The following RAD54B variants were observed in gnomAD, a reference collection of about 807,000 sequenced individuals.
The protein encoded by RAD54B is DNA repair and recombination protein RAD54B.
In RAD54B, 78 loss-of-function variants were observed where a neutral mutation model predicts 95.8. That is an observed-to-expected ratio of 0.81 (90% CI 0.68 to 0.98). The LOEUF (loss-of-function observed/expected upper bound fraction) is 0.98. Among genes scored for constraint, RAD54B ranks in the 50% least tolerant of loss-of-function variants. The pLI, the probability that RAD54B is intolerant of heterozygous loss-of-function variation, is 0.00. For synonymous variants in RAD54B, 328 were observed against 354.9 expected, an observed-to-expected ratio of 0.92 and a Z score of 0.85; for missense variants, 957 against 1,056.6, an observed-to-expected ratio of 0.91 and a Z score of 1.31.
intron 5 of RAD54B, among the ~76,000 whole-genome samples, chr8:94,405,675 G>A (rs1307346814): frequency 6.6e-6 from 1 of 152,020 alleles, no homozygotes; most frequent in African/African-American, 2.4e-5. Context: ...TCAAGAAATG[G>A]CCCCGTTATT....
At chr8:94,397,546 G>A (rs1033622150) in intron 8 of RAD54B, among the ~76,000 whole-genome samples, 1 of 151,998 alleles carries the variant, frequency 6.6e-6, no homozygotes, top group Non-Finnish European at 1.5e-5. Flanking sequence ...TGAAATCCTA[G>A]ATCAATTTTC....
intron 11 of RAD54B, among the ~76,000 whole-genome samples, chr8:94,386,325 G>C (rs1438951576): frequency 1.3e-5 from 2 of 152,126 alleles, no homozygotes; most frequent in Non-Finnish European, 2.9e-5. Context: ...GGAATAATGG[G>C]ACAAGATGAG....
intron 3 of RAD54B, chr8:94,429,408 A>G (rs1812028989): frequency 2.3e-6 from 2 of 876,078 alleles, no homozygotes; most frequent in East Asian, 1.2e-4. Context: ...TTTAACACAG[A>G]TCTCTTTTCT....
chr8:94,472,335 A>G, intron 1 of RAD54B, among the ~76,000 whole-genome samples: 1 of 152,210 alleles, frequency 6.6e-6, no homozygotes, highest in East Asian at 1.9e-4. Flanking sequence ...AACTGACACA[A>G]GTTTGAAATT....
rs747079772 is a variant in RAD54B at position 94,380,213 on chromosome 8, G to A, written c.2179C>T (p.Leu727Phe). The stretch of plus-strand genomic sequence containing the variant: ...AAGTGAGATCCTCCAATGAGGTTAA[G>A]TCCTACACCACCAGCTTTTGAACTT... ...LLSSKAGGVGLNLIGGSHLIL... is the reference protein window; with the variant it reads ...LLSSKAGGVGFNLIGGSHLIL... The change falls in exon 12 of 15, where the codon CTT becomes TTT. Residue 727 changes from leucine to phenylalanine, a missense_variant. Physicochemically the swap from Leu to Phe is conservative, Grantham distance 22 (BLOSUM62 0). Transcript: ENST00000336148. The A allele has an allele frequency of 5.6e-6, 9 of 1,613,606 alleles. No homozygotes were observed. In the Admixed American group the frequency reaches 1.3e-4, roughly 24 times the overall value.
chr8:94,401,173 G>T (rs1180240164), intron 6 of RAD54B, among the ~76,000 whole-genome samples: 1 of 152,070 alleles, frequency 6.6e-6, no homozygotes, highest in Non-Finnish European at 1.5e-5. Flanking sequence ...TAAGTATACA[G>T]TTGACCACTG....
chr8:94,430,455 A>G, intron 3 of RAD54B: 1 of 984,930 alleles, frequency 1.0e-6, no homozygotes, highest in Non-Finnish European at 1.2e-6. Context: ...AGGTTCCAAA[A>G]TACTCTGTTT....
intron 11 of RAD54B, among the ~76,000 whole-genome samples, chr8:94,386,175 G>C (rs977368719): frequency 1.3e-5 from 2 of 151,874 alleles, no homozygotes; most frequent in Non-Finnish European, 2.9e-5. Flanking sequence ...CAAAAATCTT[G>C]GTACCAGAAA....
At position 94,475,031 on chromosome 8, in the gene RAD54B, T is replaced by A. The variant is rs915999097; in HGVS notation, c.-47A>T. The A allele has an allele frequency of 3.9e-5, 6 of 152,372 alleles. No homozygotes were observed. The highest frequency in any genetic ancestry group is 1.4e-4 in the African/African-American group (6 of 41,460). 9.4% of individuals were successfully genotyped at this position (152,372 alleles called of 1,614,324 possible). Reference sequence around the variant, plus strand: ...AAAATCTGACAGAAACCACTGGCCCTGCAAAGAAGTCCTTCTGGTAACCAG... The same window carrying A: ...AAAATCTGACAGAAACCACTGGCCCAGCAAAGAAGTCCTTCTGGTAACCAG... On this transcript the variant is annotated 5_prime_UTR_variant, in exon 1 of 15. Coordinates refer to ENST00000336148, the MANE Select transcript of RAD54B (RefSeq NM_012415.3).
intron 14 of RAD54B, among the ~76,000 whole-genome samples, chr8:94,377,818 T>TA (rs1373274286): frequency 2.4e-5 from 3 of 124,088 alleles, no homozygotes; most frequent in African/African-American, 7.7e-5. Context: ...CTACTAAAAA[T>TA]ACAAAAAATT....
intron 3 of RAD54B, among the ~76,000 whole-genome samples, chr8:94,440,812 A>G (rs907541045): frequency 2.0e-5 from 3 of 152,122 alleles, no homozygotes; most frequent in Non-Finnish European, 4.4e-5. Context: ...AGAGCTCAGT[A>G]CCACAAACCC....
At chr8:94,378,462 A>G in intron 13 of RAD54B, 82 bp from the exon 14 acceptor site, 1 of 1,415,110 alleles carries the variant, frequency 7.1e-7, no homozygotes, top group Middle Eastern at 1.9e-4. Flanking sequence ...GTAACATACT[A>G]GTTAATAAAA....
intron 8 of RAD54B, among the ~76,000 whole-genome samples, chr8:94,394,909 C>T (rs975519727): frequency 1.3e-5 from 2 of 152,120 alleles, no homozygotes; most frequent in Non-Finnish European, 2.9e-5. Context: ...CCTCCCCACC[C>T]CCAGGTTGGA....
intron 2 of RAD54B, among the ~76,000 whole-genome samples, chr8:94,464,432 T>C (rs554075953): frequency 6.6e-6 from 1 of 152,062 alleles, no homozygotes; most frequent in African/African-American, 2.4e-5. Context: ...ACCAACACCT[T>C]GATCTTAGAT....
At chr8:94,376,136 C>T (rs527552769) in intron 14 of RAD54B, among the ~76,000 whole-genome samples, 1 of 152,134 alleles carries the variant, frequency 6.6e-6, no homozygotes, top group Non-Finnish European at 1.5e-5. Flanking sequence ...TTTCCATGCA[C>T]AAAACAAACA....
intron 11 of RAD54B, among the ~76,000 whole-genome samples, chr8:94,381,160 A>G (rs757181634): frequency 6.6e-6 from 1 of 152,162 alleles, no homozygotes; most frequent in Non-Finnish European, 1.5e-5. Context: ...AAGTCTAGAT[A>G]CTGAATAAGA....
chr8:94,381,122 T>C (rs1810728753), intron 11 of RAD54B, among the ~76,000 whole-genome samples: 1 of 114,438 alleles, frequency 8.7e-6, no homozygotes, highest in South Asian at 2.7e-4. Flanking sequence ...CAAGGCCCTG[T>C]CTTTTAAAAA....
intron 1 of RAD54B, among the ~76,000 whole-genome samples, chr8:94,468,933 T>G (rs1020000640): frequency 1.3e-5 from 2 of 151,778 alleles, no homozygotes; most frequent in African/African-American, 4.8e-5. Flanking sequence ...AAAACCAGTC[T>G]GGGCAACATA....
At chr8:94,463,888 T>A (rs1586041890) in intron 2 of RAD54B, among the ~76,000 whole-genome samples, 3 of 89,550 alleles carry the variant, frequency 3.4e-5, no homozygotes, top group South Asian at 3.9e-4. Flanking sequence ...ATCAAGACCC[T>A]ATCTCAAAAA....
Sources: gnomAD v4.1 joint callset for allele counts (sites outside exome capture counted in the v4.1 genomes callset) on GRCh38, gnomAD v4.1.1 for gene constraint, MANE v1.5 for transcripts, NCBI Gene and HGNC (gene_info 2026-07-23, HGNC 2026-07-21) for gene names.